NEXN: variants seen among roughly 807,000 people sequenced by gnomAD.
NEXN encodes the protein nexilin F-actin binding protein, also known as nexilin.
NEXN carries 65 observed loss-of-function variants against 92.6 expected under a neutral mutation model. That is an observed-to-expected ratio of 0.70 (90% CI 0.57 to 0.86). NEXN has a LOEUF of 0.86. Among genes scored for constraint, NEXN ranks in the 40% least tolerant of loss-of-function variants. The pLI is 0.00. For missense variants in NEXN, 778 were observed against 771.1 expected (o/e 1.01, Z -0.11); for synonymous variants, 254 against 242.5 (o/e 1.05, Z -0.44).
intron 1 of NEXN, among the ~76,000 whole-genome samples, chr1:77,907,092 A>G (rs142940148): frequency 1.1e-4 from 16 of 152,362 alleles, no homozygotes; most frequent in Admixed American, 4.6e-4. Context: ...GATTATCTTC[A>G]TCATTAATTT....
chr1:77,942,551 T>C lies in NEXN; in HGVS notation c.1750T>C (p.Phe584Leu). 6.2e-7 allele frequency: 1 copy of C among 1,613,860 alleles called. No individual in the cohort carries two copies. Reference sequence around the variant, plus strand: ...GCAAACCAGATCAGGAGCTCCATGGTTCAAGAAGCCTCTTAAAAACACATC... The same window carrying C: ...GCAAACCAGATCAGGAGCTCCATGGCTCAAGAAGCCTCTTAAAAACACATC... ...EEQTRSGAPWFKKPLKNTSVV... is the reference protein window; with the variant it reads ...EEQTRSGAPWLKKPLKNTSVV... The change falls in exon 13 of 13, where the codon TTC becomes CTC. Residue 584 changes from phenylalanine to leucine, a missense_variant. This residue lies in a region of NEXN where 532 missense variants were observed against 476.7 expected (regional missense o/e 1.12). Coordinates refer to ENST00000334785, the MANE Select transcript of NEXN (RefSeq NM_144573.4).
At position 77,926,321 on chromosome 1, in the gene NEXN, G is replaced by A. The variant is rs944750351; in HGVS notation, c.490-93G>A. ...GTTCTTCATAATAACATTGATGACA[G>A]TGTAATGAAATTCACCTATGATGGA... On this transcript the variant is annotated intron_variant, in intron 6 of 12. Transcript: ENST00000334785. 7.7e-6 allele frequency: 6 copies of A among 775,136 alleles called. No homozygotes were observed. The Admixed American group carries it at 1.2e-4, about 16-fold the overall frequency. The allele number at this position is 775,136 out of a possible 1,614,324, so 48.0% of individuals were successfully genotyped here.
intron 10 of NEXN, among the ~76,000 whole-genome samples, chr1:77,935,198 C>G (rs1324101276): frequency 6.6e-6 from 1 of 152,122 alleles, no homozygotes. Context: ...CCACCATGCC[C>G]GGCTAATTTT....
chr1:77,898,098 T>C (rs1179353105), intron 1 of NEXN, among the ~76,000 whole-genome samples: 1 of 151,672 alleles, frequency 6.6e-6, no homozygotes, highest in Non-Finnish European at 1.5e-5. Context: ...AGGTAATTTA[T>C]AGATTCAATG....
At chr1:77,935,779 T>C (rs1650700278) in intron 10 of NEXN, 44 bp from the exon 11 acceptor site, 13 of 1,552,982 alleles carry the variant, frequency 8.4e-6, no homozygotes, top group Non-Finnish European at 1.2e-5. Context: ...ATAGTGAGAC[T>C]CTCTCAAAAA....
At chr1:77,923,443 TA>T (rs1300983901) in intron 5 of NEXN, among the ~76,000 whole-genome samples, 1 of 152,174 alleles carries the variant, frequency 6.6e-6, no homozygotes, top group Non-Finnish European at 1.5e-5. Flanking sequence ...ATGAACTCTT[TA>T]ACCACTCTTT....
At chr1:77,942,272 T>G in intron 12 of NEXN, 64 bp downstream of exon 12, 2 of 1,530,590 alleles carry the variant, frequency 1.3e-6, no homozygotes, top group African/African-American at 1.4e-5. Flanking sequence ...GTTTTATAAT[T>G]AGGTAGGTTA....
At chr1:77,939,927 A>T (rs1241089725) in intron 11 of NEXN, among the ~76,000 whole-genome samples, 2 of 152,150 alleles carry the variant, frequency 1.3e-5, no homozygotes, top group African/African-American at 4.8e-5. Flanking sequence ...TACAAAAATT[A>T]GCCGGGCGTG....
intron 1 of NEXN, among the ~76,000 whole-genome samples, chr1:77,909,497 C>T (rs961563004): frequency 2.0e-5 from 3 of 152,074 alleles, no homozygotes; most frequent in African/African-American, 7.2e-5. Flanking sequence ...TCAAGTAAGA[C>T]AACAGGACTA....
At chr1:77,911,764 CAT>C (rs1298791330) in intron 1 of NEXN, among the ~76,000 whole-genome samples, 2 of 145,890 alleles carry the variant, frequency 1.4e-5, no homozygotes, top group African/African-American at 2.5e-5. Flanking sequence ...TATATATACA[CAT>C]ATATTCCAAA....
Position 77,910,560 on chromosome 1 carries a change from G to A in NEXN, c.-52-5495G>A, listed in dbSNP as rs2102070527. Reference sequence around the variant, plus strand: ...GAGGTCAGGACTTCGAGATCAGCCTGGCCAACATAGTGAAACCCTGTCTCT... The same window carrying A: ...GAGGTCAGGACTTCGAGATCAGCCTAGCCAACATAGTGAAACCCTGTCTCT... On this transcript the variant is annotated intron_variant, in intron 1 of 12. Coordinates refer to ENST00000334785, the MANE Select transcript of NEXN (RefSeq NM_144573.4). 2.0e-5 allele frequency among the ~76,000 whole-genome samples: 3 copies of A among 152,058 alleles called. 1 individual carries two copies. In the East Asian group the frequency reaches 5.8e-4, roughly 29 times the overall value.
At chr1:77,900,024 C>T (rs1328969015) in intron 1 of NEXN, among the ~76,000 whole-genome samples, 1 of 152,154 alleles carries the variant, frequency 6.6e-6, no homozygotes, top group Non-Finnish European at 1.5e-5. Flanking sequence ...CAGTCATGCT[C>T]GTTTGCTGGC....
intron 5 of NEXN, among the ~76,000 whole-genome samples, chr1:77,923,499 C>A (rs1013804860): frequency 7.2e-5 from 11 of 151,978 alleles, no homozygotes; most frequent in African/African-American, 2.7e-4. Context: ...AATCTGAATT[C>A]TTACTTTTTT....
chr1:77,933,595 T>G, intron 10 of NEXN, 116 bp downstream of exon 10: 1 of 826,430 alleles, frequency 1.2e-6, no homozygotes, highest in Non-Finnish European at 2.0e-6. Flanking sequence ...GACATAGTAT[T>G]ATGAGGTGCT....
At chr1:77,926,302 CATA>C in intron 6 of NEXN, 109 bp from the exon 7 acceptor site, 2 of 684,628 alleles carry the variant, frequency 2.9e-6, no homozygotes, top group South Asian at 1.9e-5. Flanking sequence ...AAATGTTCTT[CATA>C]ATAACATTGA....
At chr1:77,894,072 C>T (rs920895286) in intron 1 of NEXN, among the ~76,000 whole-genome samples, 3 of 151,774 alleles carry the variant, frequency 2.0e-5, no homozygotes, top group Non-Finnish European at 2.9e-5. Context: ...GATCTGCCCA[C>T]GTTGGCCTCC....
At chr1:77,934,568 C>G (rs1449806773) in intron 10 of NEXN, among the ~76,000 whole-genome samples, 1 of 152,264 alleles carries the variant, frequency 6.6e-6, no homozygotes, top group African/African-American at 2.4e-5. Context: ...GCTGTCTTTC[C>G]TGCCTCCCTG....
chr1:77,938,719 G>A (rs1234005128), intron 11 of NEXN, among the ~76,000 whole-genome samples: 1 of 150,092 alleles, frequency 6.7e-6, no homozygotes, highest in African/African-American at 2.5e-5. Context: ...TGTTTAACAG[G>A]GCCAAGAAGG....
At position 77,942,829 on chromosome 1, in the gene NEXN, A is replaced by G; in HGVS notation, c.2028A>G (p.Ter676=). 1 of 1,604,214 alleles carries G rather than the reference A, an allele frequency of 6.2e-7. No homozygotes were observed. The highest frequency in any genetic ancestry group is 1.1e-5 in the South Asian group (1 of 90,344). Residue 676 remains the stop codon, a stop_retained_variant, in exon 13 of 13, where the codon TAA becomes TAG. Transcript: ENST00000334785. ...TCILTIESKN[*] ...TTCTTACCATTGAAAGTAAGAATTA[A>G]TCACTCTTTTTATCTTTTATTCTAT...
Sources: allele counts gnomAD v4.1 joint callset (sites outside exome capture counted in the v4.1 genomes callset), GRCh38; gene constraint gnomAD v4.1.1; regional missense constraint gnomAD v4.1.1; transcripts MANE v1.5; gene names NCBI Gene and HGNC (gene_info 2026-07-23, HGNC 2026-07-21).